Variants in EYS observed in about 807,000 individuals in gnomAD.
The protein encoded by EYS is EGF-like photoreceptor maintenance factor, also known as protein eyes shut homolog.
A neutral mutation model predicts 282.1 loss-of-function variants in EYS; 250 were observed. The ratio of observed to expected loss-of-function variants is 0.89; its 90% CI spans 0.80 to 0.98. The LOEUF (loss-of-function observed/expected upper bound fraction) is 0.98, where lower values mean the gene tolerates loss of function less well. Ranked by LOEUF, EYS falls within the 50% of genes least tolerant of loss-of-function variation. The pLI, the probability that EYS is intolerant of heterozygous loss-of-function variation, is 0.00. For missense variants in EYS, 4,016 were observed against 3,709.0 expected, an observed-to-expected ratio of 1.08 and a Z score of -2.15; for synonymous variants, 1,355 against 1,282.9, an observed-to-expected ratio of 1.06 and a Z score of -1.20.
intron 35 of EYS, among the ~76,000 whole-genome samples, chr6:63,868,198 A>G (rs1772714373): frequency 6.6e-6 from 1 of 152,140 alleles, no homozygotes; most frequent in Non-Finnish European, 1.5e-5. Flanking sequence ...AATACCACCT[A>G]TCTAAGCATA....
chr6:64,486,620 A>G (rs564846451), intron 26 of EYS, among the ~76,000 whole-genome samples: 70 of 151,566 alleles, frequency 4.6e-4, no homozygotes, highest in African/African-American at 1.5e-3. Flanking sequence ...ATAAACTTCA[A>G]TTAGAAGCTA....
At chr6:63,883,295 C>T (rs1773181169) in intron 35 of EYS, among the ~76,000 whole-genome samples, 1 of 152,166 alleles carries the variant, frequency 6.6e-6, no homozygotes, top group Non-Finnish European at 1.5e-5. Flanking sequence ...CTTGGTGTGC[C>T]ATGCCACATC....
intron 35 of EYS, among the ~76,000 whole-genome samples, chr6:63,960,323 C>T (rs955626828): frequency 1.3e-5 from 2 of 152,100 alleles, no homozygotes; most frequent in Admixed American, 6.6e-5. Context: ...CCTGAAGATA[C>T]GACTGAATTG....
chr6:64,560,129 T>C (rs150435839), intron 26 of EYS, among the ~76,000 whole-genome samples: 3 of 152,276 alleles, frequency 2.0e-5, no homozygotes, highest in African/African-American at 7.2e-5. Flanking sequence ...TTTGGCAAGA[T>C]ATTTTTCATC....
At chr6:63,877,974 A>C (rs1773023827) in intron 35 of EYS, among the ~76,000 whole-genome samples, 1 of 152,104 alleles carries the variant, frequency 6.6e-6, no homozygotes, top group South Asian at 2.1e-4. Flanking sequence ...TCTTCTCTCA[A>C]CTCGTCAAAA....
intron 12 of EYS, among the ~76,000 whole-genome samples, chr6:65,189,749 C>T (rs1217802914): frequency 6.6e-6 from 1 of 151,640 alleles, no homozygotes; most frequent in African/African-American, 2.4e-5. Context: ...TGAAATTACT[C>T]CCTAAGTGTC....
At chr6:64,027,809 G>A (rs937528384) in intron 33 of EYS, among the ~76,000 whole-genome samples, 5 of 152,186 alleles carry the variant, frequency 3.3e-5, no homozygotes, top group Non-Finnish European at 7.3e-5. Context: ...TCCAACAACA[G>A]GATTGAGGGT....
chr6:64,214,640 T>C (rs1765876841), intron 31 of EYS, among the ~76,000 whole-genome samples: 1 of 152,032 alleles, frequency 6.6e-6, no homozygotes, highest in South Asian at 2.1e-4. Context: ...TGTATTTAAG[T>C]AAATAAAATA....
chr6:64,316,368 G>A (rs1582586987), intron 29 of EYS, among the ~76,000 whole-genome samples: 1 of 152,250 alleles, frequency 6.6e-6, no homozygotes, highest in Non-Finnish European at 1.5e-5. Flanking sequence ...CTTCAGCAAA[G>A]TCTCAGGATG....
intron 12 of EYS, among the ~76,000 whole-genome samples, chr6:65,070,121 A>G (rs1257249549): frequency 6.6e-6 from 1 of 151,920 alleles, no homozygotes; most frequent in African/African-American, 2.4e-5. Flanking sequence ...CACCACTGCA[A>G]CTATCTAATC....
chr6:64,629,939 T>C (rs1385703941), intron 22 of EYS, among the ~76,000 whole-genome samples: 2 of 152,194 alleles, frequency 1.3e-5, no homozygotes, highest in African/African-American at 2.4e-5. Flanking sequence ...GGATATTAAA[T>C]AGCAGTGTTG....
intron 26 of EYS, among the ~76,000 whole-genome samples, chr6:64,578,621 G>GT (rs1554182459): frequency 0.017 from 2,419 of 145,364 alleles, 59 homozygotes; most frequent in East Asian, 0.11. Flanking sequence ...GTGTGTGTGT[G>GT]GTGTGTGTGT....
intron 37 of EYS, among the ~76,000 whole-genome samples, chr6:63,800,528 G>C (rs184366978): frequency 2.6e-5 from 4 of 152,242 alleles, no homozygotes; most frequent in African/African-American, 7.2e-5. Context: ...GGCTGGGCGC[G>C]GAGTGGCTCA....
intron 12 of EYS, among the ~76,000 whole-genome samples, chr6:65,228,384 A>G (rs888393690): frequency 1.3e-5 from 2 of 151,860 alleles, no homozygotes; most frequent in African/African-American, 4.8e-5. Flanking sequence ...TTAAATATAT[A>G]GTAAATCTGA....
At chr6:64,825,652 G>A (rs555906686) in intron 19 of EYS, among the ~76,000 whole-genome samples, 3 of 151,898 alleles carry the variant, frequency 2.0e-5, no homozygotes, top group African/African-American at 7.2e-5. Flanking sequence ...TGCCTCTGAG[G>A]TGCATAACTA....
chr6:63,728,267 T>C (rs572286523), intron 41 of EYS, among the ~76,000 whole-genome samples: 22 of 152,264 alleles, frequency 1.4e-4, no homozygotes, highest in Middle Eastern at 3.4e-3. Flanking sequence ...CATATGCATA[T>C]ATCTAATACT....
intron 28 of EYS, among the ~76,000 whole-genome samples, chr6:64,392,890 T>C (rs1256121527): frequency 1.3e-5 from 2 of 150,366 alleles, no homozygotes; most frequent in Admixed American, 6.6e-5. Flanking sequence ...GCAAGACTAA[T>C]AAAGAAAAAA....
chr6:64,968,756 T>C (rs1250238501), intron 14 of EYS, among the ~76,000 whole-genome samples: 3 of 152,194 alleles, frequency 2.0e-5, no homozygotes, highest in Non-Finnish European at 4.4e-5. Context: ...TCTGTCTTCA[T>C]AGCTGAGGCT....
At chr6:65,358,273 G>A (rs9445519) in intron 8 of EYS, among the ~76,000 whole-genome samples, 3,714 of 151,750 alleles carry the variant, frequency 0.024, 148 homozygotes, top group African/African-American at 0.086. Context: ...CTGTGGTCTG[G>A]GAATTTATAT....
Sources: gnomAD v4.1 joint callset for allele counts (sites outside exome capture counted in the v4.1 genomes callset) on GRCh38, gnomAD v4.1.1 for gene constraint, MANE v1.5 for transcripts, NCBI Gene and HGNC (gene_info 2026-07-23, HGNC 2026-07-21) for gene names.